BAG6: variants seen among roughly 807,000 people sequenced by gnomAD.
BAG6 encodes large proline-rich protein BAG6.
Under a neutral mutation model 121.0 loss-of-function variants are expected in BAG6, and 22 were observed. The ratio of observed to expected loss-of-function variants is 0.18; its 90% CI spans 0.13 to 0.26. The LOEUF (loss-of-function observed/expected upper bound fraction) is 0.26. Ranked by LOEUF, BAG6 falls within the 10% of genes least tolerant of loss-of-function variation. The probability of loss-of-function intolerance (pLI) is 1.00; values close to 1 mark genes in which losing one functional copy is unlikely to be tolerated. For missense variants in BAG6, 1,233 were observed against 1,537.7 expected, an observed-to-expected ratio of 0.80 and a Z score of 3.31; for synonymous variants, 583 against 584.6, an observed-to-expected ratio of 1.00 and a Z score of 0.04.
Position 31,641,607 on chromosome 6 carries a change from G to C in BAG6, c.2506-15C>G. ...TGGGTTGCCATCTGTGGAGGAAACAGAACAGGTTTAGTTCAAAGCCTCAGT... is the reference window on the plus strand; with the variant it reads ...TGGGTTGCCATCTGTGGAGGAAACACAACAGGTTTAGTTCAAAGCCTCAGT... On this transcript the variant is annotated splice_polypyrimidine_tract_variant and intron_variant, in intron 17 of 25. Transcript: ENST00000676615. The surrounding 1 kb of genome is among the most constrained non-coding windows in gnomAD (Gnocchi z 5.7). The C allele has an allele frequency of 6.2e-7, 1 of 1,614,106 alleles. No individual in the cohort carries two copies. Among genetic ancestry groups the C allele is most frequent in the Non-Finnish European group, 8.5e-7 (1 of 1,179,956 alleles).
intron 5 of BAG6, 54 bp downstream of exon 5, chr6:31,648,857 C>A: frequency 1.9e-6 from 3 of 1,572,866 alleles, no homozygotes; most frequent in Non-Finnish European, 2.6e-6. Context: ...CACCCCACCT[C>A]CCAGCCTCCT....
rs1394255302 is a variant in BAG6 at position 31,639,243 on chromosome 6, A to G, written c.3394-17T>C. 6 of 1,608,044 alleles carry G rather than the reference A, an allele frequency of 3.7e-6. No homozygotes were observed. The highest frequency in any genetic ancestry group is 5.1e-6 in the Non-Finnish European group (6 of 1,176,286). Reference sequence around the variant, plus strand: ...AGACCGGAGCTAAAGAGAAAAAGTAAGCAGGTTGGAGAAACGCTGGCCAAG... The same window carrying G: ...AGACCGGAGCTAAAGAGAAAAAGTAGGCAGGTTGGAGAAACGCTGGCCAAG... On this transcript the variant is annotated splice_polypyrimidine_tract_variant and intron_variant, in intron 25 of 25. Coordinates refer to ENST00000676615, the MANE Select transcript of BAG6 (RefSeq NM_001387994.1).
intron 2 of BAG6, among the ~76,000 whole-genome samples, chr6:31,650,160 G>A (rs1383182272): frequency 2.6e-5 from 4 of 151,738 alleles, no homozygotes; most frequent in African/African-American, 4.8e-5. Flanking sequence ...AAAATAACAC[G>A]GATGAAAAAC....
chr6:31,639,449 C>T, intron 25 of BAG6, 51 bp downstream of exon 25: 14 of 1,579,758 alleles, frequency 8.9e-6, no homozygotes, highest in Non-Finnish European at 1.2e-5. Flanking sequence ...AAGAGGGACC[C>T]TAGCCCAACC....
Position 31,648,741 on chromosome 6 carries a change from C to A in BAG6, c.488G>T (p.Arg163Leu). 2 of 1,614,090 alleles carry A rather than the reference C, an allele frequency of 1.2e-6. No individual in the cohort carries two copies. Among genetic ancestry groups the A allele is most frequent in the South Asian group, 2.2e-5 (2 of 91,072 alleles). The change falls in exon 6 of 26, where the codon CGG becomes CTG. Residue 163 changes from arginine (R) to leucine (L), a missense_variant. Arg to Leu is a moderately radical substitution (Grantham distance 102, BLOSUM62 -2). Coordinates refer to ENST00000676615, the MANE Select transcript of BAG6 (RefSeq NM_001387994.1). ...GTGCTGAGCCATCACCAGCCGTACC[C>A]GGGGCTCACTCTACAATGAGAGAAG... ...MEQAPIQSEP[R>L]VRLVMAQHMI...
intron 2 of BAG6, among the ~76,000 whole-genome samples, chr6:31,650,790 A>G (rs805300): frequency 0.086 from 13,111 of 152,172 alleles, 950 homozygotes; most frequent in African/African-American, 0.2. Context: ...TATCCAGGTA[A>G]TATCACATTT....
chr6:31,643,088 G>A lies in BAG6; in HGVS notation c.1784C>T (p.Pro595Leu), dbSNP rs753529121. Residue 595 changes from proline to leucine, a missense_variant, in exon 15 of 26, where the codon CCG (proline) becomes CTG (leucine). Physicochemically the swap from Pro to Leu is moderately conservative, Grantham distance 98 (BLOSUM62 -3). Transcript: ENST00000676615. ...VAQGTPGMAPPPAPATASASA... is the reference protein window; with the variant it reads ...VAQGTPGMAPLPAPATASASA... ...GGCAGAAGCAGTGGCAGGGGCTGGC[G>A]GTGGAGCCATACCTGGGGTCCCCTG... 76 of 1,581,872 alleles carry A rather than the reference G, an allele frequency of 4.8e-5. No individual in the cohort carries two copies. The highest frequency in any genetic ancestry group is 5.4e-5 in the Non-Finnish European group (63 of 1,168,510).
In BAG6 at chr6:31,651,772, G is replaced by A. The variant is rs751081196; in HGVS notation, c.-9C>T. 1.9e-6 allele frequency: 3 copies of A among 1,612,122 alleles called. No homozygotes were observed. The highest frequency in any genetic ancestry group is 4.5e-5 in the East Asian group (2 of 44,868). ...CTATCATTAGGCTCCATGGCCGACA[G>A]GTCTCTAAAGAAGAACGAAGGAAGG... On this transcript the variant is annotated 5_prime_UTR_variant, in exon 2 of 26. Coordinates refer to ENST00000676615, the MANE Select transcript of BAG6 (RefSeq NM_001387994.1).
chr6:31,641,661 C>G lies in BAG6; in HGVS notation c.2506-69G>C. On this transcript the variant is annotated intron_variant, in intron 17 of 25. Coordinates refer to ENST00000676615, the MANE Select transcript of BAG6 (RefSeq NM_001387994.1). This position sits in a 1 kb window ranked among gnomAD's most constrained non-coding sequence, Gnocchi z 5.7. The stretch of plus-strand genomic sequence containing the variant: ...CCCAAGACTTCCACCTCGACCCCAA[C>G]AAGTCCAGGGCTTGTGTGGGGGCAA... The G allele has an allele frequency of 1.2e-6, 2 of 1,611,286 alleles. No homozygotes were observed. The highest frequency in any genetic ancestry group is 1.7e-6 in the Non-Finnish European group (2 of 1,177,424).
rs774349800 is a variant in BAG6, at chr6:31,640,339, T to C, written c.3139-33A>G. On this transcript the variant is annotated intron_variant, in intron 23 of 25. Transcript: ENST00000676615. This position sits in a 1 kb window ranked among gnomAD's most constrained non-coding sequence, Gnocchi z 4.2. ...GGAAAAGAGAAAATAGTAATGTCCT[T>C]GACTTTCAGCTGCCATGACCCACTG... is the stretch of plus-strand genomic sequence containing the variant. 3 of 1,614,196 alleles carry C rather than the reference T, an allele frequency of 1.9e-6. No homozygotes were observed. The South Asian group carries it at 3.3e-5, about 18-fold the overall frequency.
chr6:31,651,258 G>A (rs2151051278), intron 2 of BAG6, among the ~76,000 whole-genome samples: 1 of 152,328 alleles, frequency 6.6e-6, no homozygotes, highest in Admixed American at 6.5e-5. Context: ...AAAATCTGAG[G>A]CCAGGTGCGG....
In BAG6 at chr6:31,641,531, T is replaced by C; in HGVS notation, c.2559+8A>G. On this transcript the variant is annotated splice_region_variant and intron_variant, in intron 18 of 25. Transcript: ENST00000676615. The surrounding 1 kb of genome is among the most constrained non-coding windows in gnomAD (Gnocchi z 5.7). ...AGGAGAGGAAAGGAATAGAGAAGGGTTACTCACAAAACTCTCCCGCACATA... is the reference window on the plus strand; with the variant it reads ...AGGAGAGGAAAGGAATAGAGAAGGGCTACTCACAAAACTCTCCCGCACATA... 1.9e-6 allele frequency: 3 copies of C among 1,613,894 alleles called. No homozygotes were observed. Among genetic ancestry groups the C allele is most frequent in the South Asian group, 1.1e-5 (1 of 91,046 alleles).
intron 4 of BAG6, 72 bp downstream of exon 4, chr6:31,649,127 C>T: frequency 6.3e-7 from 1 of 1,577,754 alleles, no homozygotes. Flanking sequence ...AAGCATCTAT[C>T]TTATTAATTC....
At position 31,642,860 on chromosome 6, in the gene BAG6, G is replaced by A. The variant is rs1784330177; in HGVS notation, c.2012C>T (p.Ala671Val). 6.2e-7 allele frequency: 1 copy of A among 1,612,608 alleles called. No individual in the cohort carries two copies. The highest frequency in any genetic ancestry group is 8.5e-7 in the Non-Finnish European group (1 of 1,179,548). Residue 671 changes from alanine to valine, a missense_variant, in exon 15 of 26, where the codon GCC becomes GTC. By Grantham distance (64) the Ala-to-Val change is moderately conservative. Around this residue, in one of 7 missense-constraint regions of BAG6, gnomAD observed 777 missense variants for 861.4 expected, o/e 0.90. Transcript: ENST00000676615. ...GAAGTCAGTCATGCCTTGGAGAAAG[G>A]CAGGGACACCAGGCATCGCCACAGT... ...TITVAMPGVP[A>V]FLQGMTDFLQ...
chr6:31,639,079 AG>A lies in BAG6; in HGVS notation c.*51del. On this transcript the variant is annotated 3_prime_UTR_variant, in exon 26 of 26. Coordinates refer to ENST00000676615, the MANE Select transcript of BAG6 (RefSeq NM_001387994.1). ...GACTTTTATTTCTTAAATACTGTGA[AG>A]GAAGAGGGGGGAAACGGTCCCCTGA... is the stretch of plus-strand genomic sequence containing the variant. The A allele has an allele frequency of 6.8e-7, 1 of 1,463,176 alleles. No individual in the cohort carries two copies. The allele number at this position is 1,463,176 out of a possible 1,614,324, so 90.6% of individuals were successfully genotyped here. A position where few individuals can be genotyped will look rare whatever the true frequency, so the allele number is the denominator to read the frequency against.
At chr6:31,645,349 C>A (rs1053942859) in intron 9 of BAG6, 58 bp downstream of exon 9, 6 of 1,612,190 alleles carry the variant, frequency 3.7e-6, no homozygotes, top group Non-Finnish European at 3.4e-6. Flanking sequence ...AGTAGCTACC[C>A]TGGGTCACTC....
In BAG6 at chr6:31,646,542, G is replaced by A; in HGVS notation, c.789-19C>T. On this transcript the variant is annotated intron_variant, in intron 7 of 25. Coordinates refer to ENST00000676615, the MANE Select transcript of BAG6 (RefSeq NM_001387994.1). ...AGGATGGCTGTGGACAAACCCAAGG[G>A]GCAATGAGCCAAAGCCTTCCTCAGA... is the stretch of plus-strand genomic sequence containing the variant. The A allele has an allele frequency of 6.2e-7, 1 of 1,610,738 alleles. No individual in the cohort carries two copies. The highest frequency in any genetic ancestry group is 8.5e-7 in the Non-Finnish European group (1 of 1,179,160).
Position 31,644,729 on chromosome 6 carries a change from T to C in BAG6, c.1370-127A>G, listed in dbSNP as rs1043858106. 33 of 1,268,578 alleles carry C rather than the reference T, an allele frequency of 2.6e-5. No individual in the cohort carries two copies. In the Admixed American group the frequency reaches 4.2e-4, roughly 16 times the overall value. 78.6% of individuals were successfully genotyped at this position (1,268,578 alleles called of 1,614,324 possible). ...CAGAAAGCCTGCCTTTCCCTCCATCTAAACAGGGAGAGGTACTCCCTTCAC... is the reference window on the plus strand; with the variant it reads ...CAGAAAGCCTGCCTTTCCCTCCATCCAAACAGGGAGAGGTACTCCCTTCAC... On this transcript the variant is annotated intron_variant, in intron 10 of 25. Transcript: ENST00000676615. This position sits in a 1 kb window ranked among gnomAD's most constrained non-coding sequence, Gnocchi z 4.9.
Position 31,643,969 on chromosome 6 carries a change from G to A in BAG6, c.1677C>T (p.Ala559=), listed in dbSNP as rs7770976. Residue 559 remains alanine, a synonymous_variant, in exon 14 of 26, where the codon GCC becomes GCT. Coordinates refer to ENST00000676615, the MANE Select transcript of BAG6 (RefSeq NM_001387994.1). ...GPPVSGTLQG[A]GLGTNASLAQ... is the part of the protein sequence containing the mutation. Reference sequence around the variant, plus strand: ...CCAACGAGGCATTGGTACCCAGACCGGCGCCCTGCTGGATAGAGAGCAAGG... The same window carrying A: ...CCAACGAGGCATTGGTACCCAGACCAGCGCCCTGCTGGATAGAGAGCAAGG... 0.026 allele frequency: 42,546 copies of A among 1,613,918 alleles called. 1,226 individuals are homozygous for A. The highest frequency in any genetic ancestry group is 0.095 in the African/African-American group (7,093 of 74,966).
Sources: gnomAD v4.1 joint callset for allele counts (sites outside exome capture counted in the v4.1 genomes callset) on GRCh38, gnomAD v4.1.1 for gene constraint, gnomAD v4.1.1 regional missense constraint, Gnocchi (gnomAD v3.1) non-coding constraint, MANE v1.5 for transcripts, NCBI Gene and HGNC (gene_info 2026-07-23, HGNC 2026-07-21) for gene names.